Variants in CTIF observed in about 807,000 individuals in gnomAD.
The protein encoded by CTIF is CBP80/20-dependent translation initiation factor.
Under a neutral mutation model 66.0 loss-of-function variants are expected in CTIF, and 21 were observed. The observed-to-expected ratio is 0.32, with a 90% CI of 0.23 to 0.46. The LOEUF (loss-of-function observed/expected upper bound fraction) is 0.46, where lower values mean the gene tolerates loss of function less well. Ranked by LOEUF, CTIF falls within the 20% of genes least tolerant of loss-of-function variation. CTIF has a pLI of 1.00. For missense variants in CTIF, 739 were observed against 812.7 expected, an observed-to-expected ratio of 0.91 and a Z score of 1.10; for synonymous variants, 345 against 326.4, an observed-to-expected ratio of 1.06 and a Z score of -0.62.
rs1212991735 is a variant in CTIF, at chr18:48,861,303, T to C, written c.*1744T>C. ...GTTTACCTGAAACAGGTCAGTGGTC[T>C]CTCCCAAGAAGCGCACGCCACCTCT... On this transcript the variant is annotated 3_prime_UTR_variant, in exon 12 of 12. Coordinates refer to ENST00000256413, the MANE Select transcript of CTIF (RefSeq NM_014772.3). The C allele has an allele frequency of 6.6e-6, 1 of 152,340 alleles. No homozygotes were observed. The highest frequency in any genetic ancestry group is 1.5e-5 in the Non-Finnish European group (1 of 68,134). 9.4% of individuals were successfully genotyped at this position (152,340 alleles called of 1,614,324 possible).
rs541382632 is a variant in CTIF, at chr18:48,560,694, C to T, written c.-29+21382C>T. On this transcript the variant is annotated intron_variant, in intron 1 of 11. Transcript: ENST00000256413. The stretch of plus-strand genomic sequence containing the variant: ...CAAGCCATCCTCCCTCCTCAGCCTC[C>T]TGAGGAGCTGGGTCTTCAGGCTCAC... Among the ~76,000 whole-genome samples the T allele has an allele frequency of 4.6e-5, 7 of 152,236 alleles. No homozygotes were observed. In the East Asian group the frequency reaches 1.2e-3, roughly 25 times the overall value.
intron 7 of CTIF, among the ~76,000 whole-genome samples, chr18:48,744,647 T>G (rs960549204): frequency 4.6e-5 from 7 of 152,168 alleles, no homozygotes; most frequent in African/African-American, 1.7e-4. Flanking sequence ...AACAAAGACT[T>G]TTTTTCATAA....
chr18:48,852,823 GT>G (rs886810740), intron 10 of CTIF, among the ~76,000 whole-genome samples: 3 of 152,336 alleles, frequency 2.0e-5, no homozygotes, highest in African/African-American at 7.2e-5. Flanking sequence ...GGGTCAGAGG[GT>G]TTTGGACACT....
chr18:48,718,907 A>G (rs1342756764), intron 7 of CTIF, among the ~76,000 whole-genome samples: 1 of 152,126 alleles, frequency 6.6e-6, no homozygotes, highest in Non-Finnish European at 1.5e-5. Flanking sequence ...CAGAGCACCC[A>G]TTGCTCTCCG....
intron 6 of CTIF, among the ~76,000 whole-genome samples, chr18:48,687,347 C>CAA (rs2091857095): frequency 1.3e-5 from 2 of 150,886 alleles, no homozygotes; most frequent in Non-Finnish European, 3.0e-5. Flanking sequence ...CACACACACA[C>CAA]ACACCAAGCT....
chr18:48,675,494 A>G (rs1460193907), intron 6 of CTIF, among the ~76,000 whole-genome samples: 1 of 152,210 alleles, frequency 6.6e-6, no homozygotes, highest in East Asian at 1.9e-4. Context: ...CAGCGCCAGC[A>G]GCCAAAGGCG....
At chr18:48,717,217 T>C (rs559132593) in intron 7 of CTIF, among the ~76,000 whole-genome samples, 1 of 151,906 alleles carries the variant, frequency 6.6e-6, no homozygotes, top group South Asian at 2.1e-4. Flanking sequence ...CTGATCAACA[T>C]GGAGAAACCC....
At chr18:48,810,090 ATG>A (rs2068228406) in intron 9 of CTIF, among the ~76,000 whole-genome samples, 1 of 152,086 alleles carries the variant, frequency 6.6e-6, no homozygotes, top group South Asian at 2.1e-4. Context: ...ATTTAATAAT[ATG>A]TGTTATAAAA....
chr18:48,553,662 T>G (rs2088945592), intron 1 of CTIF, among the ~76,000 whole-genome samples: 1 of 135,636 alleles, frequency 7.4e-6, no homozygotes, highest in Non-Finnish European at 1.5e-5. Flanking sequence ...TCTTTTTCCT[T>G]TTTTTTTTTT....
At chr18:48,840,663 C>A (rs975145269) in intron 10 of CTIF, among the ~76,000 whole-genome samples, 1 of 152,190 alleles carries the variant, frequency 6.6e-6, no homozygotes, top group African/African-American at 2.4e-5. Flanking sequence ...GGCTGCTCCT[C>A]TGAGCACAAT....
intron 6 of CTIF, among the ~76,000 whole-genome samples, chr18:48,670,977 C>T (rs1328506310): frequency 2.0e-5 from 3 of 152,206 alleles, no homozygotes; most frequent in Non-Finnish European, 2.9e-5. Context: ...TGCTGGCAGG[C>T]CTGATGTGCC....
In CTIF at chr18:48,859,624, C is replaced by A; in HGVS notation, c.*65C>A. 6.7e-7 allele frequency: 1 copy of A among 1,481,928 alleles called. No individual in the cohort carries two copies. Among genetic ancestry groups the A allele is most frequent in the Non-Finnish European group, 9.4e-7 (1 of 1,061,194 alleles). 91.8% of individuals were successfully genotyped at this position (1,481,928 alleles called of 1,614,324 possible). On this transcript the variant is annotated 3_prime_UTR_variant, in exon 12 of 12. Coordinates refer to ENST00000256413, the MANE Select transcript of CTIF (RefSeq NM_014772.3). ...GCCCTGGTGCACAGGGCCAGATGGA[C>A]AGGCGGGAGGACAGGGGTGGCCCTG...
chr18:48,722,308 TG>T (rs376878624), intron 7 of CTIF, among the ~76,000 whole-genome samples: 5 of 150,118 alleles, frequency 3.3e-5, no homozygotes, highest in African/African-American at 1.2e-4. Context: ...CTCGACCTGC[TG>T]GGCTCAAGTG....
chr18:48,670,881 A>G, intron 6 of CTIF, 137 bp downstream of exon 6: 2 of 693,062 alleles, frequency 2.9e-6, no homozygotes, highest in Admixed American at 2.3e-5. Flanking sequence ...TATGGTAGTA[A>G]TAGGCAGGGC....
intron 7 of CTIF, among the ~76,000 whole-genome samples, chr18:48,727,791 A>G (rs1323858980): frequency 6.6e-6 from 1 of 152,204 alleles, no homozygotes; most frequent in African/African-American, 2.4e-5. Context: ...ACTTTCTAAG[A>G]TCTTGACAAA....
At chr18:48,582,073 G>T (rs990113220) in intron 1 of CTIF, among the ~76,000 whole-genome samples, 5 of 152,012 alleles carry the variant, frequency 3.3e-5, no homozygotes, top group African/African-American at 1.2e-4. Flanking sequence ...GGTGTCTGAG[G>T]GGCCGTCTGT....
intron 8 of CTIF, among the ~76,000 whole-genome samples, chr18:48,759,019 C>T (rs773437791): frequency 1.2e-4 from 18 of 152,176 alleles, no homozygotes; most frequent in Non-Finnish European, 2.4e-4. Flanking sequence ...AGCATGAACC[C>T]GAGAGTGAGG....
chr18:48,609,849 G>T (rs2090273476), intron 1 of CTIF, among the ~76,000 whole-genome samples: 1 of 152,236 alleles, frequency 6.6e-6, no homozygotes, highest in Non-Finnish European at 1.5e-5. Flanking sequence ...GCTCTTGAAT[G>T]TCATGGGAAG....
chr18:48,845,462 C>G (rs2146579119), intron 10 of CTIF, among the ~76,000 whole-genome samples: 1 of 152,288 alleles, frequency 6.6e-6, no homozygotes, highest in East Asian at 1.9e-4. Context: ...ACGCCATTTC[C>G]TCCTGTTCTG....
Sources: allele counts gnomAD v4.1 joint callset (sites outside exome capture counted in the v4.1 genomes callset), GRCh38; gene constraint gnomAD v4.1.1; transcripts MANE v1.5; gene names NCBI Gene and HGNC (gene_info 2026-07-23, HGNC 2026-07-21).